FBXO15: variants seen among roughly 807,000 people sequenced by gnomAD.
FBXO15 encodes the protein F-box protein 15.
In FBXO15, 30 loss-of-function variants were observed where a neutral mutation model predicts 49.5. The ratio of observed to expected loss-of-function variants is 0.61; its 90% CI spans 0.45 to 0.82. The LOEUF is 0.82. FBXO15 is among the 40% of genes least tolerant of loss of function. The pLI is 0.00. For synonymous variants in FBXO15, 250 were observed against 232.7 expected, an observed-to-expected ratio of 1.07 and a Z score of -0.68; for missense variants, 591 against 631.5, an observed-to-expected ratio of 0.94 and a Z score of 0.69.
chr18:74,146,076 A>G (rs1049939905), intron 1 of FBXO15, among the ~76,000 whole-genome samples: 5 of 152,222 alleles, frequency 3.3e-5, no homozygotes, highest in African/African-American at 4.8e-5. Flanking sequence ...ATAGCTTTCA[A>G]TAAGTCCAAT....
intron 8 of FBXO15, among the ~76,000 whole-genome samples, chr18:74,110,132 A>G (rs1913948986): frequency 6.8e-6 from 1 of 147,720 alleles, no homozygotes; most frequent in South Asian, 2.1e-4. Flanking sequence ...AGTAGTAGTA[A>G]TAATATATTC....
intron 6 of FBXO15, among the ~76,000 whole-genome samples, chr18:74,125,411 G>C (rs575000744): frequency 1.3e-5 from 2 of 152,292 alleles, no homozygotes; most frequent in South Asian, 4.1e-4. Flanking sequence ...AATGCATAAC[G>C]CCAACTCAGA....
At chr18:74,133,426 T>C (rs573006891) in intron 3 of FBXO15, among the ~76,000 whole-genome samples, 80 of 152,186 alleles carry the variant, frequency 5.3e-4, no homozygotes, top group African/African-American at 1.9e-3. Context: ...AAATATACAA[T>C]GTATCAGCTT....
At chr18:74,101,028 A>C (rs561714160) in intron 8 of FBXO15, among the ~76,000 whole-genome samples, 1 of 152,286 alleles carries the variant, frequency 6.6e-6, no homozygotes, top group African/African-American at 2.4e-5. Flanking sequence ...AAGATAGAGA[A>C]AGAAAGAATC....
intron 8 of FBXO15, among the ~76,000 whole-genome samples, chr18:74,121,469 C>T (rs777712105): frequency 4.6e-5 from 7 of 152,180 alleles, no homozygotes; most frequent in Non-Finnish European, 1.0e-4. Flanking sequence ...TTTAAACAAA[C>T]TGAAAGATGT....
chr18:74,146,706 G>A (rs1427835124), intron 1 of FBXO15, among the ~76,000 whole-genome samples: 1 of 152,134 alleles, frequency 6.6e-6, no homozygotes, highest in Non-Finnish European at 1.5e-5. Flanking sequence ...CAACAGGGCT[G>A]GGCTTCTGAA....
intron 8 of FBXO15, among the ~76,000 whole-genome samples, chr18:74,096,369 G>A (rs1042659023): frequency 7.2e-5 from 11 of 151,858 alleles, no homozygotes; most frequent in Admixed American, 1.3e-4. Flanking sequence ...TTCTCACACC[G>A]CCAGGATATA....
chr18:74,124,851 A>T (rs1444424147), intron 6 of FBXO15, among the ~76,000 whole-genome samples: 1 of 152,268 alleles, frequency 6.6e-6, no homozygotes, highest in Non-Finnish European at 1.5e-5. Flanking sequence ...ATCAAAAGAT[A>T]TATATGATAG....
Position 74,123,361 on chromosome 18 carries a change from AT to A in FBXO15, c.1138+6del. On this transcript the variant is annotated splice_donor_region_variant and intron_variant, in intron 8 of 9. Transcript: ENST00000419743. The stretch of plus-strand genomic sequence containing the variant: ...TCATAATGAAATAAAAACTCAATCA[AT>A]TTCACCTCTCTTGGTGAAGAGATTG... 6.3e-7 allele frequency: 1 copy of A among 1,594,860 alleles called. No individual in the cohort carries two copies. The highest frequency in any genetic ancestry group is 8.5e-7 in the Non-Finnish European group (1 of 1,175,180).
intron 1 of FBXO15, among the ~76,000 whole-genome samples, chr18:74,145,690 T>C (rs1979368329): frequency 6.9e-6 from 1 of 145,766 alleles, no homozygotes; most frequent in Non-Finnish European, 1.5e-5. Context: ...CTCCGCCTCC[T>C]GGGTTCACGC....
At position 74,074,806 on chromosome 18, in the gene FBXO15, C is replaced by T. The variant is rs546951551; in HGVS notation, c.1264-1076G>A. 2.5e-4 allele frequency among the ~76,000 whole-genome samples: 38 copies of T among 152,318 alleles called. No homozygotes were observed. Among genetic ancestry groups the T allele is most frequent in the Admixed American group, 2.1e-3 (32 of 15,300 alleles). The stretch of plus-strand genomic sequence containing the variant: ...ATGTGTGGTCTGTATATGCCCATAC[C>T]GCAGTGGATATGTAAAAAGGCCTGA... On this transcript the variant is annotated intron_variant, in intron 9 of 9. Transcript: ENST00000419743. This position sits in a 1 kb window ranked among gnomAD's most constrained non-coding sequence, Gnocchi z 4.7.
chr18:74,100,985 G>T (rs539556083), intron 8 of FBXO15, among the ~76,000 whole-genome samples: 2 of 152,006 alleles, frequency 1.3e-5, no homozygotes, highest in South Asian at 4.1e-4. Context: ...GACACTCAAA[G>T]AATTGGTACC....
At position 74,130,528 on chromosome 18, in the gene FBXO15, T is replaced by C. The variant is rs1216480929; in HGVS notation, c.463A>G (p.Lys155Glu). 4 of 1,614,056 alleles carry C rather than the reference T, an allele frequency of 2.5e-6. No individual in the cohort carries two copies. The highest frequency in any genetic ancestry group is 3.4e-6 in the Non-Finnish European group (4 of 1,180,034). ...SVQDKEAGYW[K>E]KEYITKQIAS... Reference sequence around the variant, plus strand: ...ATTTGTTTTGTGATATATTCTTTCTTCCAATAACCAGCTTCTTTATCCTGA... The same window carrying C: ...ATTTGTTTTGTGATATATTCTTTCTCCCAATAACCAGCTTCTTTATCCTGA... Residue 155 changes from lysine to glutamate, a missense_variant, in exon 4 of 10, where the codon AAG becomes GAG. Lys to Glu is a moderately conservative substitution (Grantham distance 56). Transcript: ENST00000419743.
chr18:74,142,003 G>A (rs1979106477), intron 1 of FBXO15, among the ~76,000 whole-genome samples: 2 of 152,102 alleles, frequency 1.3e-5, no homozygotes, highest in South Asian at 4.1e-4. Flanking sequence ...CTGCTCCACT[G>A]GCATCTCAAC....
intron 9 of FBXO15, among the ~76,000 whole-genome samples, chr18:74,078,043 T>TCAGG (rs1034220247): frequency 6.0e-4 from 92 of 152,066 alleles, no homozygotes; most frequent in African/African-American, 2.1e-3. Context: ...CTGGCAGAAG[T>TCAGG]CAGGAAGGAG....
intron 7 of FBXO15, among the ~76,000 whole-genome samples, chr18:74,124,149 C>G (rs1157058627): frequency 6.6e-6 from 1 of 152,138 alleles, no homozygotes; most frequent in East Asian, 1.9e-4. Context: ...CAGGTTCAGC[C>G]CAAGGGCCAT....
chr18:74,083,950 T>C (rs916658843), intron 8 of FBXO15, among the ~76,000 whole-genome samples: 9 of 152,318 alleles, frequency 5.9e-5, no homozygotes, highest in East Asian at 1.9e-4. Context: ...CTGGGTAATA[T>C]AATTTTCTGA....
intron 8 of FBXO15, among the ~76,000 whole-genome samples, chr18:74,090,543 T>A (rs1260230794): frequency 2.6e-5 from 4 of 152,198 alleles, no homozygotes; most frequent in African/African-American, 9.6e-5. Flanking sequence ...GGGTGTTTAG[T>A]GCTATAAACT....
intron 8 of FBXO15, among the ~76,000 whole-genome samples, chr18:74,106,837 C>T (rs962012056): frequency 2.0e-5 from 3 of 151,922 alleles, no homozygotes; most frequent in Admixed American, 6.6e-5. Context: ...AAAGTGGATA[C>T]TAAATGTCCA....
Sources: gnomAD v4.1 joint callset for allele counts (sites outside exome capture counted in the v4.1 genomes callset) on GRCh38, gnomAD v4.1.1 for gene constraint, Gnocchi (gnomAD v3.1) non-coding constraint, MANE v1.5 for transcripts, NCBI Gene and HGNC (gene_info 2026-07-23, HGNC 2026-07-21) for gene names.